FOXO1: variants seen among roughly 807,000 people sequenced by gnomAD.
FOXO1 encodes the protein forkhead box O1, also known as forkhead box protein O1.
FOXO1 carries 6 observed loss-of-function variants against 44.1 expected under a neutral mutation model. The observed-to-expected ratio is 0.14, with a 90% CI of 0.07 to 0.27. The LOEUF (loss-of-function observed/expected upper bound fraction) is 0.27. Ranked by LOEUF, FOXO1 falls within the 10% of genes least tolerant of loss-of-function variation. The probability of loss-of-function intolerance (pLI) is 1.00; values close to 1 mark genes in which losing one functional copy is unlikely to be tolerated. For synonymous variants in FOXO1, 380 were observed against 362.7 expected (o/e 1.05, Z -0.54); for missense variants, 737 against 888.8 (o/e 0.83, Z 2.17).
intron 1 of FOXO1, chr13:40,618,880 C>A: frequency 1.9e-6 from 1 of 526,724 alleles, no homozygotes; most frequent in Non-Finnish European, 3.8e-6. Context: ...AGATTATCGG[C>A]TTATGAGAGG....
At chr13:40,577,729 A>AAAAT (rs1255811203) in intron 1 of FOXO1, among the ~76,000 whole-genome samples, 2 of 152,184 alleles carry the variant, frequency 1.3e-5, no homozygotes, top group African/African-American at 4.8e-5. Context: ...TCGGGATTTA[A>AAAAT]AAATATTATA....
chr13:40,582,758 C>T (rs985642093), intron 1 of FOXO1, among the ~76,000 whole-genome samples: 5 of 152,212 alleles, frequency 3.3e-5, no homozygotes, highest in African/African-American at 1.2e-4. Flanking sequence ...GTTTTCACCA[C>T]ATCTGCATCT....
intron 1 of FOXO1, chr13:40,618,878 G>A (rs1285134504): frequency 3.8e-6 from 2 of 525,708 alleles, no homozygotes; most frequent in Non-Finnish European, 7.7e-6. Context: ...GAAGATTATC[G>A]GCTTATGAGA....
Position 40,559,883 on chromosome 13 carries a change from C to T in FOXO1, c.1608G>A (p.Gly536=). The T allele has an allele frequency of 6.2e-7, 1 of 1,614,136 alleles. No homozygotes were observed. Among genetic ancestry groups the T allele is most frequent in the Non-Finnish European group, 8.5e-7 (1 of 1,180,010 alleles). The change falls in exon 2 of 3, where the codon GGG becomes GGA. Residue 536 remains glycine, a synonymous_variant. Coordinates refer to ENST00000379561, the MANE Select transcript of FOXO1 (RefSeq NM_002015.4). ...GHAQQTSAVN[G]RPLPHTVSTM... is the part of the protein sequence containing the mutation. ...TGCTTACCGTGTGGGGCAGGGGACG[C>T]CCGTTAACTGCAGATGTCTGCTGAG... is the stretch of plus-strand genomic sequence containing the variant.
intron 1 of FOXO1, among the ~76,000 whole-genome samples, chr13:40,633,109 G>A (rs948926014): frequency 6.6e-6 from 1 of 152,164 alleles, no homozygotes; most frequent in Non-Finnish European, 1.5e-5. Flanking sequence ...ACAATAACAA[G>A]TGTCATCAAG....
chr13:40,614,758 C>T (rs150251294), intron 1 of FOXO1, among the ~76,000 whole-genome samples: 222 of 152,328 alleles, frequency 1.5e-3, no homozygotes, highest in Non-Finnish European at 2.4e-3. Flanking sequence ...AAGCCAAGTG[C>T]TAATCCACAG....
chr13:40,640,922 T>G (rs1000528902), intron 1 of FOXO1, among the ~76,000 whole-genome samples: 1 of 152,146 alleles, frequency 6.6e-6, no homozygotes, highest in Non-Finnish European at 1.5e-5. Flanking sequence ...TAGCTGCGAT[T>G]ACAGGCACCT....
At chr13:40,588,419 T>A (rs1182742051) in intron 1 of FOXO1, among the ~76,000 whole-genome samples, 1 of 152,180 alleles carries the variant, frequency 6.6e-6, no homozygotes, top group East Asian at 1.9e-4. Flanking sequence ...GCTAAAAAGG[T>A]AGTGAAAATG....
At chr13:40,592,063 GATTAA>G (rs1478880241) in intron 1 of FOXO1, among the ~76,000 whole-genome samples, 2 of 152,160 alleles carry the variant, frequency 1.3e-5, no homozygotes, top group Non-Finnish European at 1.5e-5. Context: ...TCTGCCAGTA[GATTAA>G]ATGAAATAAA....
intron 1 of FOXO1, among the ~76,000 whole-genome samples, chr13:40,595,840 A>G (rs1210951908): frequency 6.6e-6 from 1 of 152,062 alleles, no homozygotes; most frequent in African/African-American, 2.4e-5. Flanking sequence ...CACATTTCAA[A>G]GTATGTTTAT....
chr13:40,623,123 T>TTA (rs1413898050), intron 1 of FOXO1, among the ~76,000 whole-genome samples: 69 of 144,410 alleles, frequency 4.8e-4, no homozygotes, highest in Non-Finnish European at 7.2e-4. Flanking sequence ...TGGGAATGTT[T>TTA]AAAAAAAAAA....
At chr13:40,642,098 T>C (rs911152614) in intron 1 of FOXO1, among the ~76,000 whole-genome samples, 1 of 152,200 alleles carries the variant, frequency 6.6e-6, no homozygotes, top group African/African-American at 2.4e-5. Flanking sequence ...AAATTGGGGA[T>C]AGTGGGAATA....
chr13:40,631,344 C>T (rs1293630119), intron 1 of FOXO1, among the ~76,000 whole-genome samples: 1 of 152,070 alleles, frequency 6.6e-6, no homozygotes, highest in East Asian at 1.9e-4. Flanking sequence ...AGAACTAATA[C>T]ATTAAACTCT....
At position 40,666,473 on chromosome 13, in the gene FOXO1, G is replaced by A. The variant is rs1318458375; in HGVS notation, c.-261C>T. The A allele has an allele frequency of 5.5e-6, 2 of 360,620 alleles. No individual in the cohort carries two copies. The highest frequency in any genetic ancestry group is 4.2e-5 in the African/African-American group (2 of 47,880). The allele number at this position is 360,620 out of a possible 1,614,324, so 22.3% of individuals were successfully genotyped here. A position where few individuals can be genotyped will look rare whatever the true frequency, so the allele number is the denominator to read the frequency against. On this transcript the variant is annotated 5_prime_UTR_variant, in exon 1 of 3. Coordinates refer to ENST00000379561, the MANE Select transcript of FOXO1 (RefSeq NM_002015.4). ...CGGCCGGCCAGAGCCGCCGGGCCGG[G>A]GCAGAGCCTGCGCCGCGCTCCAGCT...
intron 1 of FOXO1, among the ~76,000 whole-genome samples, chr13:40,588,357 G>A (rs1359702229): frequency 6.6e-6 from 1 of 152,180 alleles, no homozygotes; most frequent in Non-Finnish European, 1.5e-5. Context: ...GCCAACTGAT[G>A]TTTTAAGTGG....
chr13:40,611,486 G>A (rs1199016720), intron 1 of FOXO1, among the ~76,000 whole-genome samples: 2 of 152,158 alleles, frequency 1.3e-5, no homozygotes, highest in Admixed American at 1.3e-4. Flanking sequence ...CATCGCTTCT[G>A]CTGATTTCGT....
chr13:40,612,042 G>T (rs965260751), intron 1 of FOXO1, among the ~76,000 whole-genome samples: 2 of 152,044 alleles, frequency 1.3e-5, no homozygotes, highest in Admixed American at 6.6e-5. Context: ...GCACTCCAGC[G>T]TGGGAGACAC....
chr13:40,665,124 C>CCCCTCGCCGCGCCCT (rs1033295561), intron 1 of FOXO1, among the ~76,000 whole-genome samples: 12 of 151,860 alleles, frequency 7.9e-5, no homozygotes, highest in South Asian at 4.1e-4. Flanking sequence ...GGCTCCGGGG[C>CCCCTCGCCGCGCCCT]CCCTCGCCGC....
At chr13:40,598,031 T>C (rs1875648598) in intron 1 of FOXO1, among the ~76,000 whole-genome samples, 1 of 152,132 alleles carries the variant, frequency 6.6e-6, no homozygotes, top group Non-Finnish European at 1.5e-5. Context: ...ATTTCCAACT[T>C]GGACTTTTCT....
Sources: gnomAD v4.1 joint callset for allele counts (sites outside exome capture counted in the v4.1 genomes callset) on GRCh38, gnomAD v4.1.1 for gene constraint, MANE v1.5 for transcripts, NCBI Gene and HGNC (gene_info 2026-07-23, HGNC 2026-07-21) for gene names.